The following XKR4 variants were observed in gnomAD, a reference collection of about 807,000 sequenced individuals.
XKR4 encodes the protein XK-related protein 4.
In XKR4, 12 loss-of-function variants were observed where a neutral mutation model predicts 53.9. The observed-to-expected ratio is 0.22, with a 90% CI of 0.14 to 0.36. The LOEUF (loss-of-function observed/expected upper bound fraction) is 0.36, where lower values mean the gene tolerates loss of function less well. Ranked by LOEUF, XKR4 falls within the 10% of genes least tolerant of loss-of-function variation. The pLI is 1.00. For missense variants in XKR4, 799 were observed against 859.5 expected (o/e 0.93, Z 0.88); for synonymous variants, 354 against 362.4 (o/e 0.98, Z 0.26).
intron 1 of XKR4, among the ~76,000 whole-genome samples, chr8:55,227,359 T>TG (rs148161916): frequency 3.0e-4 from 45 of 152,348 alleles, no homozygotes; most frequent in African/African-American, 1.1e-3. Context: ...AAAGAACCAC[T>TG]GAGGGACCAA....
At position 55,537,024 on chromosome 8, in the gene XKR4, C is replaced by T. The variant is rs147429431; in HGVS notation, c.*12797C>T. Reference sequence around the variant, plus strand: ...TTATGATATTTTTTAAGCCTAAAAACCATTCAAATTGCTTGACAAAATTAT... The same window carrying T: ...TTATGATATTTTTTAAGCCTAAAAATCATTCAAATTGCTTGACAAAATTAT... On this transcript the variant is annotated 3_prime_UTR_variant, in exon 3 of 3. Coordinates refer to ENST00000327381, the MANE Select transcript of XKR4 (RefSeq NM_052898.2). 2 of 152,272 alleles carry T rather than the reference C, an allele frequency of 1.3e-5. No individual in the cohort carries two copies. The highest frequency in any genetic ancestry group is 3.9e-4 in the East Asian group (2 of 5,194). 9.4% of individuals were successfully genotyped at this position (152,272 alleles called of 1,614,324 possible). A position where few individuals can be genotyped will look rare whatever the true frequency, so the allele number is the denominator to read the frequency against.
chr8:55,158,212 A>T (rs1029715997), intron 1 of XKR4, among the ~76,000 whole-genome samples: 2 of 152,134 alleles, frequency 1.3e-5, no homozygotes, highest in African/African-American at 2.4e-5. Context: ...CTAGTGTGAG[A>T]TGGTATCCCA....
intron 1 of XKR4, among the ~76,000 whole-genome samples, chr8:55,107,105 C>G (rs939841217): frequency 1.3e-5 from 2 of 152,024 alleles, no homozygotes; most frequent in Non-Finnish European, 2.9e-5. Flanking sequence ...ACTGGCCAAA[C>G]AAAAATAATA....
intron 1 of XKR4, among the ~76,000 whole-genome samples, chr8:55,273,862 T>C (rs1818727396): frequency 6.6e-6 from 1 of 152,144 alleles, no homozygotes; most frequent in African/African-American, 2.4e-5. Flanking sequence ...CTATAGCAAT[T>C]CCTGTCTTGA....
At chr8:55,448,894 AAG>A (rs1343151589) in intron 2 of XKR4, among the ~76,000 whole-genome samples, 1 of 152,214 alleles carries the variant, frequency 6.6e-6, no homozygotes, top group Non-Finnish European at 1.5e-5. Flanking sequence ...AAGAAAAATA[AAG>A]AGAGTGTTAC....
chr8:55,512,534 A>T (rs1002139467), intron 2 of XKR4, among the ~76,000 whole-genome samples: 1 of 152,072 alleles, frequency 6.6e-6, no homozygotes. Flanking sequence ...TCTTCTCTAC[A>T]CTGCTCACTA....
intron 2 of XKR4, among the ~76,000 whole-genome samples, chr8:55,490,727 C>T (rs1430175213): frequency 6.6e-6 from 1 of 152,086 alleles, no homozygotes; most frequent in African/African-American, 2.4e-5. Flanking sequence ...CTTTTTTACT[C>T]TGACTACTTT....
chr8:55,289,589 AAGAGAAAG>A (rs1563316360), intron 1 of XKR4, among the ~76,000 whole-genome samples: 17 of 73,006 alleles, frequency 2.3e-4, no homozygotes, highest in African/African-American at 7.7e-4. Flanking sequence ...GGAAGAAAGA[AAGAGAAAG>A]AAAGAAAGAA....
intron 1 of XKR4, among the ~76,000 whole-genome samples, chr8:55,338,117 G>A (rs898573844): frequency 3.3e-5 from 5 of 152,162 alleles, no homozygotes; most frequent in African/African-American, 1.2e-4. Flanking sequence ...GAAAAGGGAA[G>A]GTCACATGGA....
intron 1 of XKR4, among the ~76,000 whole-genome samples, chr8:55,125,243 T>C (rs1014512015): frequency 6.6e-6 from 1 of 152,228 alleles, no homozygotes; most frequent in Non-Finnish European, 1.5e-5. Flanking sequence ...TTTTCTTTTT[T>C]TCTTGAGATG....
chr8:55,350,703 G>T (rs1450808718), intron 1 of XKR4, among the ~76,000 whole-genome samples: 1 of 151,094 alleles, frequency 6.6e-6, no homozygotes, highest in African/African-American at 2.4e-5. Flanking sequence ...TTGTTTAGTG[G>T]ATATAGAGAT....
intron 2 of XKR4, among the ~76,000 whole-genome samples, chr8:55,377,495 G>A (rs533922104): frequency 3.3e-5 from 5 of 152,240 alleles, no homozygotes; most frequent in Non-Finnish European, 5.9e-5. Context: ...CCAAGGCAGC[G>A]CTAGCAAATA....
In XKR4 at chr8:55,532,289, C is replaced by A. The variant is rs1429893580; in HGVS notation, c.*8062C>A. 6.6e-6 allele frequency: 1 copy of A among 152,138 alleles called. No individual in the cohort carries two copies. Among genetic ancestry groups the A allele is most frequent in the Non-Finnish European group, 1.5e-5 (1 of 68,038 alleles). The allele number at this position is 152,138 out of a possible 1,614,324, so 9.4% of individuals were successfully genotyped here. ...CATGCCACCATTACCACATTCCTTACTACAATTATTGCTATTTTAGTCATT... is the reference window on the plus strand; with the variant it reads ...CATGCCACCATTACCACATTCCTTAATACAATTATTGCTATTTTAGTCATT... On this transcript the variant is annotated 3_prime_UTR_variant, in exon 3 of 3. Coordinates refer to ENST00000327381, the MANE Select transcript of XKR4 (RefSeq NM_052898.2).
At chr8:55,182,373 T>C (rs1329499218) in intron 1 of XKR4, among the ~76,000 whole-genome samples, 1 of 152,140 alleles carries the variant, frequency 6.6e-6, no homozygotes, top group Non-Finnish European at 1.5e-5. Context: ...CTTGGTGCAT[T>C]TGCAAAAATA....
chr8:55,129,454 T>C (rs1446506622), intron 1 of XKR4, among the ~76,000 whole-genome samples: 1 of 152,210 alleles, frequency 6.6e-6, no homozygotes, highest in Non-Finnish European at 1.5e-5. Context: ...AACCATTCTC[T>C]TTACTAACCT....
intron 2 of XKR4, among the ~76,000 whole-genome samples, chr8:55,516,778 A>G (rs1471768181): frequency 1.3e-5 from 2 of 152,198 alleles, no homozygotes; most frequent in African/African-American, 4.8e-5. Context: ...CTGGGTACAT[A>G]CCCAAAGGGA....
intron 1 of XKR4, among the ~76,000 whole-genome samples, chr8:55,287,936 CAT>C (rs1818930477): frequency 6.6e-6 from 1 of 152,222 alleles, no homozygotes; most frequent in African/African-American, 2.4e-5. Context: ...TTGCACAAGA[CAT>C]ATCCCCATCT....
At chr8:55,209,785 CAG>C (rs922624933) in intron 1 of XKR4, among the ~76,000 whole-genome samples, 3 of 152,190 alleles carry the variant, frequency 2.0e-5, no homozygotes, top group Non-Finnish European at 2.9e-5. Flanking sequence ...CATCCCTTTC[CAG>C]AGAGAGACCA....
At chr8:55,164,396 T>C (rs765668946) in intron 1 of XKR4, 4 of 456,260 alleles carry the variant, frequency 8.8e-6, no homozygotes, top group South Asian at 6.2e-5. Context: ...AAACTCACAT[T>C]CCTGTTTGAC....
Sources: allele counts gnomAD v4.1 joint callset (sites outside exome capture counted in the v4.1 genomes callset), GRCh38; gene constraint gnomAD v4.1.1; transcripts MANE v1.5; gene names NCBI Gene and HGNC (gene_info 2026-07-23, HGNC 2026-07-21).